Variants in FSIP1 observed in about 807,000 individuals in gnomAD.
FSIP1 encodes the protein fibrous sheath interacting protein 1.
Under a neutral mutation model 60.9 loss-of-function variants are expected in FSIP1, and 65 were observed. The ratio of observed to expected loss-of-function variants is 1.07; its 90% CI spans 0.87 to 1.31. The LOEUF (loss-of-function observed/expected upper bound fraction) is 1.31, where lower values mean the gene tolerates loss of function less well. Ranked by LOEUF, FSIP1 falls within the 40% of genes most tolerant of loss-of-function variation. FSIP1 has a pLI of 0.00. For missense variants in FSIP1, 675 were observed against 665.5 expected (o/e 1.01, Z -0.16); for synonymous variants, 209 against 221.2 (o/e 0.94, Z 0.49).
At chr15:39,756,132 G>A (rs1015616189) in intron 5 of FSIP1, among the ~76,000 whole-genome samples, 10 of 152,170 alleles carry the variant, frequency 6.6e-5, no homozygotes, top group Admixed American at 5.2e-4. Context: ...AGGTTCAAAT[G>A]TGATATAAAT....
intron 10 of FSIP1, among the ~76,000 whole-genome samples, chr15:39,711,049 T>C (rs16969666): frequency 0.12 from 18,908 of 152,218 alleles, 1,398 homozygotes; most frequent in African/African-American, 0.2. Context: ...AAAAATTAAA[T>C]AATGGTAGAG....
At chr15:39,741,527 G>A (rs1194077919) in intron 6 of FSIP1, among the ~76,000 whole-genome samples, 1 of 152,192 alleles carries the variant, frequency 6.6e-6, no homozygotes, top group Non-Finnish European at 1.5e-5. Context: ...CATTTTCACA[G>A]ACTTGTTTTT....
intron 10 of FSIP1, among the ~76,000 whole-genome samples, chr15:39,642,219 A>C (rs1301747500): frequency 6.6e-6 from 1 of 152,234 alleles, no homozygotes; most frequent in Non-Finnish European, 1.5e-5. Context: ...AGATCCAGTC[A>C]TCACAATGAA....
At chr15:39,645,280 T>C (rs1016052041) in intron 10 of FSIP1, among the ~76,000 whole-genome samples, 7 of 152,228 alleles carry the variant, frequency 4.6e-5, no homozygotes, top group African/African-American at 1.7e-4. Flanking sequence ...GCTGCCATCA[T>C]GTCAGCTGCA....
chr15:39,686,391 C>T (rs1171089442), intron 10 of FSIP1, among the ~76,000 whole-genome samples: 3 of 152,358 alleles, frequency 2.0e-5, no homozygotes, highest in East Asian at 1.9e-4. Flanking sequence ...CCATTAATTT[C>T]TACATCTAAG....
At chr15:39,661,144 GA>G in intron 10 of FSIP1, among the ~76,000 whole-genome samples, 1 of 152,232 alleles carries the variant, frequency 6.6e-6, no homozygotes, top group South Asian at 2.1e-4. Context: ...GTCTCTAGTG[GA>G]AAAACACACT....
At position 39,757,014 on chromosome 15, in the gene FSIP1, A is replaced by T. The variant is rs1378781344; in HGVS notation, c.559+6807T>A. Among the ~76,000 whole-genome samples, 4 of 152,086 alleles carry T rather than the reference A, an allele frequency of 2.6e-5. No homozygotes were observed. In the East Asian group the frequency reaches 7.7e-4, roughly 29 times the overall value. On this transcript the variant is annotated intron_variant, in intron 5 of 11. Transcript: ENST00000350221. The stretch of plus-strand genomic sequence containing the variant: ...AAAAATGTATGCCAGGAGCTTTAAA[A>T]TTTTTTTAAATGCTTTAAGGCTTTT...
intron 10 of FSIP1, among the ~76,000 whole-genome samples, chr15:39,655,718 T>C (rs1419879482): frequency 1.3e-5 from 2 of 152,100 alleles, no homozygotes; most frequent in East Asian, 1.9e-4. Context: ...AGAAACCCCA[T>C]CCTCCTTATT....
intron 2 of FSIP1, among the ~76,000 whole-genome samples, chr15:39,776,137 G>C (rs1386946043): frequency 7.2e-6 from 1 of 139,614 alleles, no homozygotes; most frequent in Non-Finnish European, 1.6e-5. Context: ...TGGGAGGGAG[G>C]GAGGGGAGGA....
downstream of FSIP1, chr15:39,598,106 T>C (rs1159514733): frequency 6.6e-6 from 1 of 152,218 alleles, no homozygotes; most frequent in Non-Finnish European, 1.5e-5. Flanking sequence ...AGTGTACCAA[T>C]AAGCAGACCT....
rs1491090328 is a variant in FSIP1, at chr15:39,687,136, C to CTTTTTTTTTTTTTTTTTTTTTTTTTTT, written c.1188+26307_1188+26308insAAAAAAAAAAAAAAAAAAAAAAAAAAA. On this transcript the variant is annotated intron_variant, in intron 10 of 11. Coordinates refer to ENST00000350221, the MANE Select transcript of FSIP1 (RefSeq NM_152597.5). The stretch of plus-strand genomic sequence containing the variant: ...CACCTTTCTTTCTTTCTTTTCTTTT[C>CTTTTTTTTTTTTTTTTTTTTTTTTTTT]CTTTTTTTTTTTTTTTTTTTTTTTT... Among the ~76,000 whole-genome samples the CTTTTTTTTTTTTTTTTTTTTTTTTTTT allele has an allele frequency of 4.8e-4, 23 of 47,708 alleles. 9 individuals carry two copies. Among genetic ancestry groups the CTTTTTTTTTTTTTTTTTTTTTTTTTTT allele is most frequent in the African/African-American group, 6.1e-4 (7 of 11,502 alleles). 31.3% of individuals were successfully genotyped at this position (47,708 alleles called of 152,430 possible). A position where few individuals can be genotyped will look rare whatever the true frequency, so the allele number is the denominator to read the frequency against.
At position 39,600,757 on chromosome 15, in the gene FSIP1, C is replaced by A; in HGVS notation, c.*123G>T. ...AAATATAATCCACAAAGAGCGACTC[C>A]AAATGTCAAAATCAATAAAGAATAG... is the stretch of plus-strand genomic sequence containing the variant. On this transcript the variant is annotated 3_prime_UTR_variant, in exon 12 of 12. Coordinates refer to ENST00000350221, the MANE Select transcript of FSIP1 (RefSeq NM_152597.5). The A allele has an allele frequency of 1.5e-6, 1 of 684,112 alleles. No homozygotes were observed. Among genetic ancestry groups the A allele is most frequent in the Non-Finnish European group, 2.4e-6 (1 of 416,958 alleles). The allele number at this position is 684,112 out of a possible 1,614,324, so 42.4% of individuals were successfully genotyped here. A position where few individuals can be genotyped will look rare whatever the true frequency, so the allele number is the denominator to read the frequency against.
chr15:39,727,485 G>C (rs1267653395), intron 8 of FSIP1, among the ~76,000 whole-genome samples: 1 of 152,202 alleles, frequency 6.6e-6, no homozygotes, highest in African/African-American at 2.4e-5. Flanking sequence ...GAAACACCAT[G>C]ATCAGGTCTG....
At position 39,605,696 on chromosome 15, in the gene FSIP1, G is replaced by A. The variant is rs376044786; in HGVS notation, c.1700-4770C>T. On this transcript the variant is annotated intron_variant, in intron 11 of 11. Coordinates refer to ENST00000350221, the MANE Select transcript of FSIP1 (RefSeq NM_152597.5). ...TACTCAGCTCCCGTGGGTGGTGGTA[G>A]AACTTGCTGATTTGTCAGAAATGTC... Among the ~76,000 whole-genome samples the A allele has an allele frequency of 2.0e-5, 3 of 152,346 alleles. No individual in the cohort carries two copies. The South Asian group carries it at 6.2e-4, about 32-fold the overall frequency.
intron 10 of FSIP1, among the ~76,000 whole-genome samples, chr15:39,692,315 T>C (rs1399152427): frequency 6.6e-6 from 1 of 152,224 alleles, no homozygotes; most frequent in Non-Finnish European, 1.5e-5. Context: ...GCTTTGCAAC[T>C]ATAAACGATT....
intron 5 of FSIP1, chr15:39,747,191 A>C (rs1897029319): frequency 6.6e-6 from 1 of 152,116 alleles, no homozygotes; most frequent in Admixed American, 6.5e-5. Context: ...TTTAATTTGA[A>C]GTCTAAGTTA....
intron 10 of FSIP1, among the ~76,000 whole-genome samples, chr15:39,677,498 A>C (rs1405315780): frequency 1.3e-5 from 2 of 152,066 alleles, no homozygotes; most frequent in Non-Finnish European, 2.9e-5. Context: ...ACTTGGTATT[A>C]TATACCAAGC....
intron 3 of FSIP1, among the ~76,000 whole-genome samples, chr15:39,766,269 G>C (rs1897685817): frequency 6.6e-6 from 1 of 152,138 alleles, no homozygotes; most frequent in Admixed American, 6.5e-5. Context: ...TATGTAGCTT[G>C]TATCTTTTTT....
intron 2 of FSIP1, among the ~76,000 whole-genome samples, chr15:39,771,770 G>T (rs765655068): frequency 2.0e-5 from 3 of 152,130 alleles, no homozygotes; most frequent in Admixed American, 6.6e-5. Context: ...TAATCCAGGA[G>T]GTGGTTAAAC....
Sources: gnomAD v4.1 joint callset for allele counts (sites outside exome capture counted in the v4.1 genomes callset) on GRCh38, gnomAD v4.1.1 for gene constraint, MANE v1.5 for transcripts, NCBI Gene and HGNC (gene_info 2026-07-23, HGNC 2026-07-21) for gene names.